Variants in TGIF1 observed in about 807,000 individuals in gnomAD.
TGIF1 encodes the protein homeobox protein TGIF1.
A neutral mutation model predicts 19.3 loss-of-function variants in TGIF1; 4 were observed. The ratio of observed to expected loss-of-function variants is 0.21; its 90% CI spans 0.10 to 0.47. The LOEUF (loss-of-function observed/expected upper bound fraction) is 0.47, where lower values mean the gene tolerates loss of function less well. Ranked by LOEUF, TGIF1 falls within the 20% of genes least tolerant of loss-of-function variation. The pLI is 0.98. For synonymous variants in TGIF1, 122 were observed against 129.3 expected, an observed-to-expected ratio of 0.94 and a Z score of 0.38; for missense variants, 275 against 341.4, an observed-to-expected ratio of 0.81 and a Z score of 1.53.
At chr18:3,414,699 T>C (rs1308947830) in intron 1 of TGIF1, among the ~76,000 whole-genome samples, 2 of 152,190 alleles carry the variant, frequency 1.3e-5, no homozygotes, top group Non-Finnish European at 2.9e-5. Context: ...TCCTTTCAAA[T>C]ATCTTTGAAA....
intron 2 of TGIF1, among the ~76,000 whole-genome samples, chr18:3,443,541 C>G (rs2082700496): frequency 6.6e-6 from 1 of 151,980 alleles, no homozygotes; most frequent in Non-Finnish European, 1.5e-5. Context: ...AGGTGTATAC[C>G]ACGAAGCCCA....
At chr18:3,438,176 A>G (rs747298423) in intron 2 of TGIF1, among the ~76,000 whole-genome samples, 5 of 152,166 alleles carry the variant, frequency 3.3e-5, no homozygotes, top group Non-Finnish European at 7.3e-5. Context: ...TAGAATCAAT[A>G]TATCATTTTA....
In TGIF1 at chr18:3,451,312, C is replaced by T; in HGVS notation, c.16+807C>T. On this transcript the variant is annotated intron_variant, in intron 1 of 2. Transcript: ENST00000343820. This position sits in a 1 kb window ranked among gnomAD's most constrained non-coding sequence, Gnocchi z 5.4. ...CTGGAAGCTTTACAACTAAAACTTG[C>T]CGTCAGTTTGGTTTAAAAACAAAAT... The T allele has an allele frequency of 1.0e-6, 1 of 968,328 alleles. No individual in the cohort carries two copies. The allele number at this position is 968,328 out of a possible 1,614,324, so 60.0% of individuals were successfully genotyped here.
chr18:3,415,195 G>A, intron 1 of TGIF1: 1 of 213,240 alleles, frequency 4.7e-6, no homozygotes, highest in Admixed American at 4.6e-5. Flanking sequence ...CTCTCATCCT[G>A]GAGTGGCTCA....
intron 2 of TGIF1, among the ~76,000 whole-genome samples, chr18:3,423,483 T>C (rs1598858723): frequency 6.6e-6 from 1 of 151,746 alleles, no homozygotes; most frequent in African/African-American, 2.4e-5. Flanking sequence ...ATCGAGACCT[T>C]CCTGGCTAAC....
chr18:3,432,670 A>G (rs542542234), intron 2 of TGIF1, among the ~76,000 whole-genome samples: 3 of 152,174 alleles, frequency 2.0e-5, no homozygotes, highest in African/African-American at 7.2e-5. Flanking sequence ...GTGTTTGTCT[A>G]TATGGAAAAT....
intron 2 of TGIF1, among the ~76,000 whole-genome samples, chr18:3,438,253 T>G (rs997627620): frequency 6.6e-6 from 1 of 152,124 alleles, no homozygotes; most frequent in Non-Finnish European, 1.5e-5. Context: ...GTTGGTTTAG[T>G]TTTTAAAACC....
At chr18:3,447,820 T>G (rs776854199), upstream of TGIF1, 1 of 1,614,014 alleles carries the variant, frequency 6.2e-7, no homozygotes, top group Admixed American at 1.7e-5. Flanking sequence ...CTCCGTTTTT[T>G]CCTCCCCCTA....
At position 3,439,855 on chromosome 18, in the gene TGIF1, T is replaced by TA. The variant is rs948377246; in HGVS notation, c.-44-16491dup. 5.3e-5 allele frequency among the ~76,000 whole-genome samples: 8 copies of TA among 150,982 alleles called. No homozygotes were observed. The East Asian group carries it at 1.6e-3, about 29-fold the overall frequency. On this transcript the variant is annotated intron_variant, in intron 2 of 3. Transcript: ENST00000401449. ...GGGCAACGTAGTGAAACCCGGTCTC[T>TA]AAAAAAAATACAAAAATCAGCCAGG... is the stretch of plus-strand genomic sequence containing the variant.
chr18:3,437,544 C>T (rs2082629441), intron 2 of TGIF1, among the ~76,000 whole-genome samples: 1 of 152,176 alleles, frequency 6.6e-6, no homozygotes, highest in African/African-American at 2.4e-5. Flanking sequence ...GAAATGGGAA[C>T]AGAAAGTGTA....
chr18:3,423,261 G>T (rs114407582), intron 2 of TGIF1, among the ~76,000 whole-genome samples: 1 of 152,196 alleles, frequency 6.6e-6, no homozygotes, highest in African/African-American at 2.4e-5. Context: ...GAAAAAATAG[G>T]CATGGCTGGG....
At chr18:3,423,638 G>T (rs377628716) in intron 2 of TGIF1, among the ~76,000 whole-genome samples, 2 of 151,944 alleles carry the variant, frequency 1.3e-5, no homozygotes, top group African/African-American at 4.8e-5. Flanking sequence ...AGCAGAGATC[G>T]CGCCACTGCC....
At chr18:3,450,815 GCCGC>G (rs2082891647) in intron 1 of TGIF1, among the ~76,000 whole-genome samples, 4 of 152,222 alleles carry the variant, frequency 2.6e-5, no homozygotes, top group Admixed American at 2.6e-4. Context: ...GCTCGGCCCA[GCCGC>G]CGCGTGGCTT....
chr18:3,434,914 C>T (rs1357929715), intron 2 of TGIF1, among the ~76,000 whole-genome samples: 1 of 152,100 alleles, frequency 6.6e-6, no homozygotes, highest in African/African-American at 2.4e-5. Context: ...AAAATAAAGC[C>T]AAGTAAAATA....
intron 1 of TGIF1, chr18:3,452,405 T>C (rs2082996548): frequency 5.0e-6 from 8 of 1,612,984 alleles, no homozygotes; most frequent in Non-Finnish European, 6.8e-6. Flanking sequence ...AGGGGAAACT[T>C]TGCGACTGGT....
chr18:3,451,853 G>T lies in TGIF1; in HGVS notation c.16+1348G>T. The stretch of plus-strand genomic sequence containing the variant: ...GGGAATTGGCCCTGGGAGAAAACGC[G>T]CGGGGGGCGTCCGAGACGCCCCGTG... On this transcript the variant is annotated intron_variant, in intron 1 of 2. Transcript: ENST00000343820. The surrounding 1 kb of genome is among the most constrained non-coding windows in gnomAD (Gnocchi z 5.4). 7.1e-7 allele frequency: 1 copy of T among 1,398,978 alleles called. No individual in the cohort carries two copies. The allele number at this position is 1,398,978 out of a possible 1,614,324, so 86.7% of individuals were successfully genotyped here.
At chr18:3,435,219 G>A (rs1254871658) in intron 2 of TGIF1, among the ~76,000 whole-genome samples, 1 of 151,104 alleles carries the variant, frequency 6.6e-6, no homozygotes, top group Non-Finnish European at 1.5e-5. Flanking sequence ...TTGAGATGGA[G>A]TCTTGCTCTC....
Position 3,458,183 on chromosome 18 carries a change from G to T in TGIF1, c.*243G>T. 1 of 491,864 alleles carries T rather than the reference G, an allele frequency of 2.0e-6. No homozygotes were observed. Among genetic ancestry groups the T allele is most frequent in the Non-Finnish European group, 3.6e-6 (1 of 280,294 alleles). 30.5% of individuals were successfully genotyped at this position (491,864 alleles called of 1,614,324 possible). ...TCTTGGTAGATTATTCATAATGTGA[G>T]ATGGTTCCCAATATCATGTGATTTT... On this transcript the variant is annotated 3_prime_UTR_variant, in exon 3 of 3. Coordinates refer to ENST00000343820, the MANE Select transcript of TGIF1 (RefSeq NM_003244.4).
chr18:3,438,521 C>G (rs909026092), intron 2 of TGIF1, among the ~76,000 whole-genome samples: 3 of 150,946 alleles, frequency 2.0e-5, no homozygotes, highest in African/African-American at 7.3e-5. Context: ...TGGCTAAAAA[C>G]AGCTCCATGT....
Sources: allele counts gnomAD v4.1 joint callset (sites outside exome capture counted in the v4.1 genomes callset), GRCh38; gene constraint gnomAD v4.1.1; non-coding constraint Gnocchi (gnomAD v3.1); transcripts MANE v1.5; gene names NCBI Gene and HGNC (gene_info 2026-07-23, HGNC 2026-07-21).